Variants in VEPH1 observed in about 807,000 individuals in gnomAD.
The protein encoded by VEPH1 is ventricular zone expressed PH domain containing 1.
VEPH1 carries 80 observed loss-of-function variants against 85.2 expected under a neutral mutation model. The observed-to-expected ratio is 0.94, with a 90% CI of 0.78 to 1.13. VEPH1 has a LOEUF of 1.13. VEPH1 is among the 50% of genes most tolerant of loss of function. The pLI, the probability that VEPH1 is intolerant of heterozygous loss-of-function variation, is 0.00. For synonymous variants in VEPH1, 297 were observed against 348.0 expected (o/e 0.85, Z 1.63); for missense variants, 955 against 980.5 (o/e 0.97, Z 0.35).
rs1364602780 is a variant in VEPH1, at chr3:157,363,781, A to G, written c.1338-20T>C. ...TTTGACCTAGAGTTCAAACAAAGGG[A>G]AAGTTAAAGAAGTTGTGTTACCATT... On this transcript the variant is annotated intron_variant, in intron 8 of 13. Transcript: ENST00000362010. 6.2e-7 allele frequency: 1 copy of G among 1,601,154 alleles called. No homozygotes were observed.
intron 13 of VEPH1, among the ~76,000 whole-genome samples, chr3:157,262,226 G>A (rs1713001934): frequency 6.6e-6 from 1 of 151,970 alleles, no homozygotes; most frequent in Non-Finnish European, 1.5e-5. Context: ...TCCAACTATT[G>A]ACATCAGGGA....
At chr3:157,405,961 A>G (rs1187607705) in intron 6 of VEPH1, among the ~76,000 whole-genome samples, 5 of 152,328 alleles carry the variant, frequency 3.3e-5, no homozygotes, top group African/African-American at 7.2e-5. Context: ...GAGAGAGGAT[A>G]TGCAACATCA....
At chr3:157,369,203 A>AAAAAAAAAAAAAAAAC (rs1432731941) in intron 7 of VEPH1, among the ~76,000 whole-genome samples, 1 of 149,056 alleles carries the variant, frequency 6.7e-6, no homozygotes. Context: ...AAAAAAAAAA[A>AAAAAAAAAAAAAAAAC]ACCTCCTGAG....
intron 4 of VEPH1, chr3:157,437,820 G>T (rs1033986163): frequency 4.1e-6 from 6 of 1,464,712 alleles, no homozygotes; most frequent in Non-Finnish European, 5.3e-6. Flanking sequence ...AGGAGGCGGG[G>T]CGCGCCCTGG....
chr3:157,361,313 C>T (rs897599884), intron 9 of VEPH1, among the ~76,000 whole-genome samples: 10 of 152,154 alleles, frequency 6.6e-5, no homozygotes, highest in African/African-American at 2.4e-4. Flanking sequence ...CAGATTATAA[C>T]AGACATGCTA....
chr3:157,362,998 A>G (rs1726215345), intron 9 of VEPH1, among the ~76,000 whole-genome samples: 1 of 152,160 alleles, frequency 6.6e-6, no homozygotes, highest in South Asian at 2.1e-4. Flanking sequence ...TTGCATGATT[A>G]TGTGGTTGGG....
intron 4 of VEPH1, chr3:157,442,799 C>T: frequency 6.2e-7 from 1 of 1,614,196 alleles, no homozygotes; most frequent in Non-Finnish European, 8.5e-7. Context: ...TGGGTGGTGG[C>T]TTTGATGAAA....
intron 2 of VEPH1, among the ~76,000 whole-genome samples, chr3:157,485,204 A>G (rs926197772): frequency 1.3e-5 from 2 of 152,172 alleles, no homozygotes; most frequent in East Asian, 1.9e-4. Flanking sequence ...ATTATAGTCT[A>G]GTAGTTTTGA....
intron 2 of VEPH1, among the ~76,000 whole-genome samples, chr3:157,486,465 G>T (rs1738657573): frequency 7.2e-6 from 1 of 138,134 alleles, no homozygotes; most frequent in Non-Finnish European, 1.5e-5. Context: ...CACTGCACTC[G>T]ACAGAGCAAG....
intron 6 of VEPH1, chr3:157,409,543 T>A (rs1731384628): frequency 1.2e-6 from 1 of 861,980 alleles, no homozygotes; most frequent in African/African-American, 1.8e-5. Flanking sequence ...AAAAGATTTC[T>A]GAGTTAATCT....
chr3:157,431,137 T>C (rs1733115537), intron 4 of VEPH1, among the ~76,000 whole-genome samples: 1 of 152,152 alleles, frequency 6.6e-6, no homozygotes, highest in Non-Finnish European at 1.5e-5. Context: ...TCTCATGAGA[T>C]CTGATGGTTT....
Position 157,317,189 on chromosome 3 carries a change from C to A in VEPH1, c.1748G>T (p.Ser583Ile), listed in dbSNP as rs771515228. 107 of 1,611,144 alleles carry A rather than the reference C, an allele frequency of 6.6e-5. No homozygotes were observed. Among genetic ancestry groups the A allele is most frequent in the Non-Finnish European group, 8.5e-5 (100 of 1,178,776 alleles). ...GGTGAAGAACAACTTTGCTACACAACTTCTCACAGTGTCTAGAAACAAATA... is the reference window on the plus strand; with the variant it reads ...GGTGAAGAACAACTTTGCTACACAAATTCTCACAGTGTCTAGAAACAAATA... ...DQCTIEDTVR[S>I]CVAKLFFTCS... Residue 583 changes from serine to isoleucine, a missense_variant, in exon 10 of 14, where the codon AGT (serine) becomes ATT (isoleucine). By Grantham distance (142) the Ser-to-Ile change is moderately radical. Transcript: ENST00000362010.
intron 9 of VEPH1, among the ~76,000 whole-genome samples, chr3:157,345,090 G>A (rs905932623): frequency 2.0e-5 from 3 of 152,116 alleles, no homozygotes; most frequent in Non-Finnish European, 4.4e-5. Flanking sequence ...GAAAACCTAG[G>A]CAATACCATT....
At chr3:157,353,824 G>T (rs1474289530) in intron 9 of VEPH1, among the ~76,000 whole-genome samples, 1 of 152,026 alleles carries the variant, frequency 6.6e-6, no homozygotes, top group Non-Finnish European at 1.5e-5. Context: ...TGGAGGCAAG[G>T]ATATTTGCCT....
At chr3:157,320,535 A>G (rs1721239685) in intron 9 of VEPH1, among the ~76,000 whole-genome samples, 1 of 152,158 alleles carries the variant, frequency 6.6e-6, no homozygotes, top group African/African-American at 2.4e-5. Context: ...ATTGATGCCA[A>G]AAGGATTATT....
intron 9 of VEPH1, among the ~76,000 whole-genome samples, chr3:157,318,501 G>C (rs780887857): frequency 6.6e-6 from 1 of 152,040 alleles, no homozygotes; most frequent in Non-Finnish European, 1.5e-5. Flanking sequence ...CCAGCTACTT[G>C]GGGGGCAGAG....
At chr3:157,481,465 CAAAAAAAAA>C (rs1553796737) in intron 2 of VEPH1, among the ~76,000 whole-genome samples, 5 of 63,308 alleles carry the variant, frequency 7.9e-5, no homozygotes, top group African/African-American at 2.3e-4. Flanking sequence ...CACACACACA[CAAAAAAAAA>C]AAAAAAAAAA....
chr3:157,431,892 G>A (rs1233608075), intron 4 of VEPH1, among the ~76,000 whole-genome samples: 1 of 151,290 alleles, frequency 6.6e-6, no homozygotes, highest in East Asian at 1.9e-4. Flanking sequence ...CTGTTGTCTG[G>A]GCTGGAGTGC....
intron 4 of VEPH1, chr3:157,438,037 G>GCGCACACACA (rs1553786688): frequency 7.0e-4 from 363 of 516,052 alleles, no homozygotes; most frequent in South Asian, 6.2e-3. Flanking sequence ...GCGCGCGCGC[G>GCGCACACACA]CACACACACA....
Sources: gnomAD v4.1 joint callset for allele counts (sites outside exome capture counted in the v4.1 genomes callset) on GRCh38, gnomAD v4.1.1 for gene constraint, MANE v1.5 for transcripts, NCBI Gene and HGNC (gene_info 2026-07-23, HGNC 2026-07-21) for gene names.